The following WDR81 variants were observed in gnomAD, a reference collection of about 807,000 sequenced individuals.
WDR81 encodes WD repeat domain 81.
WDR81 carries 92 observed loss-of-function variants against 140.8 expected under a neutral mutation model. That is an observed-to-expected ratio of 0.65 (90% confidence interval 0.55 to 0.78). The LOEUF is 0.78. WDR81 is among the 30% of genes least tolerant of loss of function. The pLI is 0.00. For missense variants in WDR81, 2,502 were observed against 2,636.4 expected (o/e 0.95, Z 1.12); for synonymous variants, 1,183 against 1,156.4 (o/e 1.02, Z -0.47).
rs1418138084 is a variant in WDR81, at chr17:1,725,929, G to T, written c.970G>T (p.Ala324Ser). 1 of 1,550,818 alleles carries T rather than the reference G, an allele frequency of 6.4e-7. No individual in the cohort carries two copies. The highest frequency in any genetic ancestry group is 1.4e-5 in the African/African-American group (1 of 73,178). The part of the protein sequence containing the change: ...NEEAPVARDE[A>S]GIVSQEEQGG... The stretch of plus-strand genomic sequence containing the variant: ...GGAGGCCCCTGTGGCAAGGGATGAG[G>T]CGGGCATTGTGTCTCAAGAGGAGCA... The change falls in exon 1 of 10, where the codon GCG becomes TCG. Residue 324 changes from alanine (A) to serine (S), a missense_variant. This residue lies in a region of WDR81 where 547 missense variants were observed against 513.8 expected (regional missense o/e 1.06). Transcript: ENST00000409644.
chr17:1,733,978 C>T lies in WDR81; in HGVS notation c.4941C>T (p.His1647=). The change falls in exon 7 of 10, where the codon CAC becomes CAT. Residue 1647 remains histidine (H), a synonymous_variant. Coordinates refer to ENST00000409644, the MANE Select transcript of WDR81 (RefSeq NM_001163809.2). ...HQIRLQSFPG[H]SGAVKCVAPL... ...TCCGCCTGCAGAGCTTCCCGGGCCA[C>T]TCGGGGGCCGTCAAGTGCGTGGCAC... The T allele has an allele frequency of 4.3e-6, 7 of 1,612,880 alleles. No homozygotes were observed. The highest frequency in any genetic ancestry group is 2.2e-5 in the East Asian group (1 of 44,884).
rs769110233 is a variant in WDR81 at position 1,733,859 on chromosome 17, C to T, written c.4822C>T (p.Arg1608Trp). 29 of 1,612,736 alleles carry T rather than the reference C, an allele frequency of 1.8e-5. No individual in the cohort carries two copies. Among genetic ancestry groups the T allele is most frequent in the African/African-American group, 8.0e-5 (6 of 75,044 alleles). Residue 1608 changes from arginine (R) to tryptophan (W), a missense_variant, in exon 7 of 10, where the codon CGG becomes TGG. Arg to Trp is a moderately radical substitution (Grantham distance 101). This residue lies in a region of WDR81 where 1,737 missense variants were observed against 1,843.0 expected (regional missense o/e 0.94). Coordinates refer to ENST00000409644, the MANE Select transcript of WDR81 (RefSeq NM_001163809.2). ...DDNALKQELPRSVHGLSGNWL... is the reference protein window; with the variant it reads ...DDNALKQELPWSVHGLSGNWL... ...CAACGCCCTGAAGCAGGAGCTGCCGCGGAGCGTGCACGGGCTGAGCGGAAA... is the reference window on the plus strand; with the variant it reads ...CAACGCCCTGAAGCAGGAGCTGCCGTGGAGCGTGCACGGGCTGAGCGGAAA...
At chr17:1,724,553 A>G, upstream of WDR81, 3 of 980,162 alleles carry the variant, frequency 3.1e-6, no homozygotes, top group Non-Finnish European at 3.6e-6. Context: ...AGACCCTTTC[A>G]GCCCCGGGAG....
chr17:1,727,144 C>T lies in WDR81; in HGVS notation c.2185C>T (p.Gln729Ter). ...ILLPEGFNPM[Q>*]ALEELEKTGN... ...TCTTCCCGAGGGCTTCAATCCCATG[C>T]AGGCCCTGGAGGAGCTGGAGAAAAC... Residue 729 changes from glutamine (Q) to a stop codon, truncating the protein, a stop_gained, in exon 1 of 10, where the codon CAG becomes TAG. Transcript: ENST00000409644. LOFTEE classifies it high-confidence loss of function. 1 of 1,547,626 alleles carries T rather than the reference C, an allele frequency of 6.5e-7. No homozygotes were observed. The highest frequency in any genetic ancestry group is 8.7e-7 in the Non-Finnish European group (1 of 1,145,098).
upstream of WDR81, among the ~76,000 whole-genome samples, chr17:1,724,329 A>G (rs1281330432): frequency 5.9e-5 from 9 of 152,286 alleles, no homozygotes; most frequent in East Asian, 1.5e-3. Flanking sequence ...GCGCCACTGC[A>G]CTCCAGCCTG....
intron 9 of WDR81, 106 bp from the exon 10 acceptor site, chr17:1,737,259 C>T: frequency 8.4e-7 from 1 of 1,188,382 alleles, no homozygotes; most frequent in Admixed American, 2.9e-5. Flanking sequence ...CCCAGGACGG[C>T]CTGTCTCCCT....
In WDR81 at chr17:1,733,727, G is replaced by T. The variant is rs773567790; in HGVS notation, c.4690G>T (p.Val1564Leu). Residue 1564 changes from valine (V) to leucine (L), a missense_variant, in exon 7 of 10, where the codon GTG (valine) becomes TTG (leucine). Transcript: ENST00000409644. ...GHSGTFGSVL[V>L]GNRIQIPNDS... ...CTCAGGGACCTTTGGGAGCGTCCTG[G>T]TGGGGAACCGCATTCAGATCCCCAA... 2 of 1,612,678 alleles carry T rather than the reference G, an allele frequency of 1.2e-6. No homozygotes were observed. The highest frequency in any genetic ancestry group is 3.3e-5 in the Admixed American group (2 of 60,002).
At position 1,725,209 on chromosome 17, in the gene WDR81, G is replaced by A. The variant is rs1265032412; in HGVS notation, c.250G>A (p.Glu84Lys). Residue 84 changes from glutamate (E) to lysine (K), a missense_variant, in exon 1 of 10, where the codon GAA (glutamate) becomes AAA (lysine). This residue lies in a region of WDR81 where 547 missense variants were observed against 513.8 expected (regional missense o/e 1.06). Coordinates refer to ENST00000409644, the MANE Select transcript of WDR81 (RefSeq NM_001163809.2). ...GPCPRAEGLG[E>K]AEVRTLLQRS... is the part of the protein sequence containing the mutation. Reference sequence around the variant, plus strand: ...CTGTCCCCGCGCAGAGGGCCTGGGAGAAGCGGAAGTCAGGACTCTCCTGCA... The same window carrying A: ...CTGTCCCCGCGCAGAGGGCCTGGGAAAAGCGGAAGTCAGGACTCTCCTGCA... 1 of 1,538,594 alleles carries A rather than the reference G, an allele frequency of 6.5e-7. No homozygotes were observed.
In WDR81 at chr17:1,726,945, C is replaced by T; in HGVS notation, c.1986C>T (p.Ala662=). 6.4e-7 allele frequency: 1 copy of T among 1,550,454 alleles called. No homozygotes were observed. The highest frequency in any genetic ancestry group is 8.7e-7 in the Non-Finnish European group (1 of 1,146,972). Residue 662 remains alanine, a synonymous_variant, in exon 1 of 10, where the codon GCC becomes GCT. Transcript: ENST00000409644. ...CAGGAGAAGACGACTTGGAACAGGC[C>T]ACAGAAGCTCTGGATTCCATTTCCC... is the stretch of plus-strand genomic sequence containing the variant. ...PVAGEDDLEQ[A]TEALDSISLA...
chr17:1,728,060 G>A lies in WDR81; in HGVS notation c.3101G>A (p.Ser1034Asn), dbSNP rs767308076. 6.3e-7 allele frequency: 1 copy of A among 1,575,384 alleles called. No homozygotes were observed. Among genetic ancestry groups the A allele is most frequent in the South Asian group, 1.2e-5 (1 of 86,894 alleles). ...GCAGGGGCTGCTGAGGAGGAGGAGA[G>A]CGGGCTGCCCGGGGCCGGGCCTGGC... ...DLAGAAEEEE[S>N]GLPGAGPGSC... Residue 1034 changes from serine (S) to asparagine (N), a missense_variant, in exon 1 of 10, where the codon AGC becomes AAC. Around this residue, in one of 3 missense-constraint regions of WDR81, gnomAD observed 1,737 missense variants for 1,843.0 expected, o/e 0.94. Transcript: ENST00000409644.
chr17:1,730,046 C>T (rs968027302), intron 1 of WDR81, among the ~76,000 whole-genome samples: 5 of 151,172 alleles, frequency 3.3e-5, no homozygotes, highest in Non-Finnish European at 4.4e-5. Context: ...GCCGTTATGG[C>T]GAGACCGAGG....
chr17:1,724,223 G>A (rs969551294), upstream of WDR81, among the ~76,000 whole-genome samples: 3 of 152,206 alleles, frequency 2.0e-5, no homozygotes, highest in African/African-American at 2.4e-5. Flanking sequence ...AATTAGCCGG[G>A]CGTGGTGGCG....
intron 1 of WDR81, among the ~76,000 whole-genome samples, chr17:1,729,028 C>T (rs886792722): frequency 5.9e-5 from 9 of 152,162 alleles, no homozygotes; most frequent in African/African-American, 1.7e-4. Context: ...CTGTGCCAAG[C>T]AGTGGATCGA....
chr17:1,728,510 C>CT lies in WDR81; in HGVS notation c.3552dup (p.Asp1185Ter). 6.3e-7 allele frequency: 1 copy of CT among 1,584,478 alleles called. No homozygotes were observed. The highest frequency in any genetic ancestry group is 8.6e-7 in the Non-Finnish European group (1 of 1,164,186). ...ACCGGGGCATCTGAGCTCACTCTGT[C>CT]TGACACGGTGCTGTCCATGGAGACG... On this transcript the variant is annotated frameshift_variant, in exon 1 of 10. Transcript: ENST00000409644. LOFTEE classifies it high-confidence loss of function.
upstream of WDR81, among the ~76,000 whole-genome samples, chr17:1,722,841 C>T (rs1414200762): frequency 3.3e-5 from 5 of 151,848 alleles, no homozygotes; most frequent in Admixed American, 1.3e-4. Context: ...TACAGGCACC[C>T]GCTGCCACAC....
In WDR81 at chr17:1,731,251, G is replaced by A. The variant is rs764674561; in HGVS notation, c.4150G>A (p.Val1384Ile). 2.7e-5 allele frequency: 44 copies of A among 1,612,908 alleles called. No individual in the cohort carries two copies. The Admixed American group carries it at 6.0e-4, about 22-fold the overall frequency. The change falls in exon 4 of 10, where the codon GTC (valine) becomes ATC (isoleucine). Residue 1384 changes from valine (V) to isoleucine (I), a missense_variant. By Grantham distance (29) the Val-to-Ile change is conservative. Coordinates refer to ENST00000409644, the MANE Select transcript of WDR81 (RefSeq NM_001163809.2). ...CGTGCTCAGCTTCCTCACCTCCCTC[G>A]TCACGGGGTAGGCCTCTGCCCCAGC... Reference protein sequence around the residue: ...LPVLSFLTSLVTGFPSGAQAR... With the variant: ...LPVLSFLTSLITGFPSGAQAR...
At position 1,737,461 on chromosome 17, in the gene WDR81, G is replaced by A. The variant is rs1245289200; in HGVS notation, c.5602G>A (p.Ala1868Thr). Reference protein sequence around the residue: ...EQKPTHHYKSASDPIHTFDLY... With the variant: ...EQKPTHHYKSTSDPIHTFDLY... ...GAAGCCCACCCATCACTACAAGTCA[G>A]CATCCGACCCCATCCACACCTTTGA... The change falls in exon 10 of 10, where the codon GCA becomes ACA. Residue 1868 changes from alanine (A) to threonine (T), a missense_variant. Physicochemically the swap from Ala to Thr is moderately conservative, Grantham distance 58. Transcript: ENST00000409644. 1 of 1,613,134 alleles carries A rather than the reference G, an allele frequency of 6.2e-7. No homozygotes were observed. The highest frequency in any genetic ancestry group is 8.5e-7 in the Non-Finnish European group (1 of 1,179,982).
At position 1,732,395 on chromosome 17, in the gene WDR81, C is replaced by T. The variant is rs755568126; in HGVS notation, c.4228C>T (p.Leu1410=). The T allele has an allele frequency of 2.1e-5, 34 of 1,613,614 alleles. 1 individual carries two copies. Among genetic ancestry groups the T allele is most frequent in the Middle Eastern group, 1.6e-4 (1 of 6,084 alleles). ...KTISLIALIC[L]RIGQEMVQQH... ...CATCAGCCTCATCGCCCTCATCTGC[C>T]TGCGCATTGGACAGGAGATGGTCCA... Residue 1410 remains leucine (L), a synonymous_variant, in exon 5 of 10, where the codon CTG becomes TTG. Transcript: ENST00000409644.
chr17:1,730,725 G>A lies in WDR81; in HGVS notation c.3776-30G>A, dbSNP rs370324342. Reference sequence around the variant, plus strand: ...AGGCTACCCCCGGCCCTCCACTGGCGACTCAGGGCTGCTGGCCCTTCCGTG... The same window carrying A: ...AGGCTACCCCCGGCCCTCCACTGGCAACTCAGGGCTGCTGGCCCTTCCGTG... On this transcript the variant is annotated intron_variant, in intron 2 of 9. Coordinates refer to ENST00000409644, the MANE Select transcript of WDR81 (RefSeq NM_001163809.2). The A allele has an allele frequency of 4.4e-4, 694 of 1,583,000 alleles. 3 individuals carry two copies. Among genetic ancestry groups the A allele is most frequent in the Middle Eastern group, 2.9e-3 (17 of 5,926 alleles).
Sources: gnomAD v4.1 joint callset for allele counts (sites outside exome capture counted in the v4.1 genomes callset) on GRCh38, gnomAD v4.1.1 for gene constraint, gnomAD v4.1.1 regional missense constraint, MANE v1.5 for transcripts, NCBI Gene and HGNC (gene_info 2026-07-23, HGNC 2026-07-21) for gene names.